The following GRIK2 variants were observed in gnomAD, a reference collection of about 807,000 sequenced individuals.
The protein encoded by GRIK2 is glutamate receptor ionotropic, kainate 2.
GRIK2 carries 32 observed loss-of-function variants against 100.3 expected under a neutral mutation model. The ratio of observed to expected loss-of-function variants is 0.32; its 90% CI spans 0.24 to 0.43. GRIK2 has a LOEUF of 0.43. Ranked by LOEUF, GRIK2 falls within the 20% of genes least tolerant of loss-of-function variation. The probability of loss-of-function intolerance (pLI) is 1.00; values close to 1 mark genes in which losing one functional copy is unlikely to be tolerated. For synonymous variants in GRIK2, 417 were observed against 389.4 expected (o/e 1.07, Z -0.83); for missense variants, 843 against 1,114.9 (o/e 0.76, Z 3.47).
intron 7 of GRIK2, among the ~76,000 whole-genome samples, chr6:101,699,408 C>T (rs1772723861): frequency 6.6e-6 from 1 of 152,088 alleles, no homozygotes; most frequent in Admixed American, 6.6e-5. Context: ...ACCTCTGAGT[C>T]TGCCCATAGT....
intron 7 of GRIK2, among the ~76,000 whole-genome samples, chr6:101,690,200 A>T (rs2065939): frequency 6.6e-6 from 1 of 151,868 alleles, no homozygotes; most frequent in Non-Finnish European, 1.5e-5. Context: ...TAATCCATTC[A>T]GTAGCTTAAT....
chr6:101,667,959 C>T (rs1241815235), intron 4 of GRIK2, among the ~76,000 whole-genome samples: 1 of 152,096 alleles, frequency 6.6e-6, no homozygotes, highest in Non-Finnish European at 1.5e-5. Flanking sequence ...AGTTAAAACT[C>T]ATTTGCCACT....
At chr6:101,938,213 GATA>G (rs1790730957) in intron 14 of GRIK2, among the ~76,000 whole-genome samples, 1 of 151,806 alleles carries the variant, frequency 6.6e-6, no homozygotes, top group African/African-American at 2.4e-5. Flanking sequence ...CTTATTTAAA[GATA>G]ATACTGTACT....
At chr6:101,736,840 A>C (rs549308689) in intron 7 of GRIK2, among the ~76,000 whole-genome samples, 1 of 152,232 alleles carries the variant, frequency 6.6e-6, no homozygotes, top group South Asian at 2.1e-4. Flanking sequence ...TTTCTTTTCT[A>C]TTGCATTGTC....
chr6:102,032,056 A>T (rs1463829952), intron 14 of GRIK2, among the ~76,000 whole-genome samples: 1 of 151,208 alleles, frequency 6.6e-6, no homozygotes, highest in East Asian at 2.0e-4. Context: ...GGTATGGGGG[A>T]TTATGACCAT....
chr6:101,939,487 A>G (rs561040039), intron 14 of GRIK2, among the ~76,000 whole-genome samples: 224 of 152,196 alleles, frequency 1.5e-3, no homozygotes, highest in African/African-American at 5.3e-3. Flanking sequence ...CCTATGGTTA[A>G]TGCTACAATC....
chr6:101,828,417 TAACTA>T (rs1782471477), intron 10 of GRIK2, among the ~76,000 whole-genome samples: 1 of 151,520 alleles, frequency 6.6e-6, no homozygotes, highest in Admixed American at 6.6e-5. Context: ...AAAAAAGAAA[TAACTA>T]TAATCAGAGC....
At position 101,746,774 on chromosome 6, in the gene GRIK2, T is replaced by A. The variant is rs576098702; in HGVS notation, c.952-52874T>A. Among the ~76,000 whole-genome samples the A allele has an allele frequency of 2.6e-5, 4 of 152,126 alleles. No individual in the cohort carries two copies. The South Asian group carries it at 6.2e-4, about 24-fold the overall frequency. ...CAGTTTCCCTTTGTAAATACATATG[T>A]GCATATGTGTATGCACACACACACA... On this transcript the variant is annotated intron_variant, in intron 7 of 16. Coordinates refer to ENST00000369134, the MANE Select transcript of GRIK2 (RefSeq NM_021956.5).
intron 14 of GRIK2, among the ~76,000 whole-genome samples, chr6:101,977,124 A>C: frequency 6.6e-6 from 1 of 152,076 alleles, no homozygotes; most frequent in Non-Finnish European, 1.5e-5. Context: ...GAATTTATAA[A>C]GCCATATGAT....
rs142274328 is a variant in GRIK2, at chr6:101,792,828, G to A, written c.952-6820G>A. Among the ~76,000 whole-genome samples, 869 of 152,118 alleles carry A rather than the reference G, an allele frequency of 5.7e-3. 2 individuals carry two copies. The highest frequency in any genetic ancestry group is 9.4e-3 in the Non-Finnish European group (637 of 68,006). On this transcript the variant is annotated intron_variant, in intron 7 of 16. Transcript: ENST00000369134. ...TTTCCAACTTGGTTCCATTCTCCCC[G>A]TCTCTTTCAGGTACACCAATCAGAT...
intron 2 of GRIK2, among the ~76,000 whole-genome samples, chr6:101,529,207 C>A (rs1775300061): frequency 1.3e-5 from 2 of 152,040 alleles, no homozygotes; most frequent in Admixed American, 6.6e-5. Context: ...ATAGTTTACA[C>A]AATTCAGTTT....
chr6:101,844,867 AAGTATGTAATTCAGTGGTTTTC>A (rs1209346950), intron 10 of GRIK2, among the ~76,000 whole-genome samples: 5 of 152,174 alleles, frequency 3.3e-5, no homozygotes, highest in Non-Finnish European at 7.3e-5. Flanking sequence ...ATTTTCACCA[AAGTATGTAATTCAGTGGTTTTC>A]AGTATGTTCA....
At chr6:101,601,841 T>C (rs1168941221) in intron 2 of GRIK2, among the ~76,000 whole-genome samples, 2 of 151,790 alleles carry the variant, frequency 1.3e-5, no homozygotes, top group Non-Finnish European at 2.9e-5. Context: ...TTAATCTAGC[T>C]AGCAATCTAT....
chr6:101,432,105 TG>T (rs57176118), intron 2 of GRIK2, among the ~76,000 whole-genome samples: 3,169 of 152,308 alleles, frequency 0.021, 124 homozygotes, highest in African/African-American at 0.073. Context: ...CATTAGACCC[TG>T]CCCTGCTCCC....
At chr6:101,800,273 G>A (rs1762391991) in intron 8 of GRIK2, among the ~76,000 whole-genome samples, 1 of 151,674 alleles carries the variant, frequency 6.6e-6, no homozygotes, top group Non-Finnish European at 1.5e-5. Flanking sequence ...TTTACTCCAT[G>A]TTATATAATG....
intron 2 of GRIK2, among the ~76,000 whole-genome samples, chr6:101,495,702 A>G (rs944741129): frequency 1.3e-5 from 2 of 152,108 alleles, no homozygotes; most frequent in African/African-American, 4.8e-5. Context: ...AAGGCTTCTG[A>G]TTCATGTCAA....
At position 101,565,915 on chromosome 6, in the gene GRIK2, T is replaced by TTATATATATA. The variant is rs71797313; in HGVS notation, c.116-56026_116-56017dup. Among the ~76,000 whole-genome samples the TTATATATATA allele has an allele frequency of 2.4e-3, 294 of 123,140 alleles. 7 individuals carry two copies. Among genetic ancestry groups the TTATATATATA allele is most frequent in the African/African-American group, 6.1e-3 (173 of 28,556 alleles). The allele number at this position is 123,140 out of a possible 152,430, so 80.8% of individuals were successfully genotyped here. A position where few individuals can be genotyped will look rare whatever the true frequency, so the allele number is the denominator to read the frequency against. On this transcript the variant is annotated intron_variant, in intron 2 of 16. Coordinates refer to ENST00000369134, the MANE Select transcript of GRIK2 (RefSeq NM_021956.5). ...CAATCTTTATCTTTATATACCTATT[T>TTATATATATA]TATATATATATATATATGTGTATAT...
chr6:101,928,637 G>A lies in GRIK2; in HGVS notation c.2085+5G>A. 1 of 1,400,132 alleles carries A rather than the reference G, an allele frequency of 7.1e-7. No individual in the cohort carries two copies. Among genetic ancestry groups the A allele is most frequent in the Non-Finnish European group, 1.0e-6 (1 of 985,996 alleles). The allele number at this position is 1,400,132 out of a possible 1,614,324, so 86.7% of individuals were successfully genotyped here. A position where few individuals can be genotyped will look rare whatever the true frequency, so the allele number is the denominator to read the frequency against. On this transcript the variant is annotated splice_donor_5th_base_variant and intron_variant, in intron 14 of 16. Transcript: ENST00000369134. ...GCAACCATGACTTTTTTCAAGGTAA[G>A]TTCTGCTGGTTACCTAAAATTTACA...
intron 12 of GRIK2, among the ~76,000 whole-genome samples, chr6:101,907,261 A>G (rs1788294478): frequency 6.6e-6 from 1 of 151,470 alleles, no homozygotes; most frequent in Admixed American, 6.6e-5. Flanking sequence ...AATAACAAGA[A>G]TAGTTTATAA....
Sources: gnomAD v4.1 joint callset for allele counts (sites outside exome capture counted in the v4.1 genomes callset) on GRCh38, gnomAD v4.1.1 for gene constraint, MANE v1.5 for transcripts, NCBI Gene and HGNC (gene_info 2026-07-23, HGNC 2026-07-21) for gene names.